Variants in LRMDA observed in about 807,000 individuals in gnomAD.
The protein encoded by LRMDA is leucine rich melanocyte differentiation associated, also known as leucine-rich melanocyte differentiation-associated protein.
LRMDA carries 18 observed loss-of-function variants against 29.8 expected under a neutral mutation model. That is an observed-to-expected ratio of 0.60 (90% confidence interval 0.42 to 0.90). The LOEUF (loss-of-function observed/expected upper bound fraction) is 0.90. Among genes scored for constraint, LRMDA ranks in the 40% least tolerant of loss-of-function variants. The pLI is 0.00. For synonymous variants in LRMDA, 125 were observed against 109.4 expected (o/e 1.14, Z -0.89); for missense variants, 273 against 273.9 (o/e 1.00, Z 0.02).
intron 6 of LRMDA, among the ~76,000 whole-genome samples, chr10:76,337,058 T>TG (rs1239100859): frequency 1.3e-5 from 2 of 152,190 alleles, no homozygotes; most frequent in African/African-American, 2.4e-5. Flanking sequence ...CAGTGAATGT[T>TG]GGCATGTCTG....
chr10:75,542,693 C>G (rs1840032284), intron 2 of LRMDA, among the ~76,000 whole-genome samples: 1 of 152,226 alleles, frequency 6.6e-6, no homozygotes, highest in Non-Finnish European at 1.5e-5. Flanking sequence ...AAATTCCTTT[C>G]CATCACTACA....
intron 2 of LRMDA, among the ~76,000 whole-genome samples, chr10:75,656,010 C>T (rs12217504): frequency 0.16 from 23,781 of 152,094 alleles, 4,293 homozygotes; most frequent in African/African-American, 0.43. Context: ...CTGCTGATCC[C>T]GTCTTGGTTG....
rs535354232 is a variant in LRMDA at position 76,499,300 on chromosome 10, A to G, written c.602-57909A>G. Among the ~76,000 whole-genome samples the G allele has an allele frequency of 5.4e-5, 4 of 74,214 alleles. 1 individual carries two copies. In the South Asian group the frequency reaches 1.1e-3, roughly 20 times the overall value. 48.7% of individuals were successfully genotyped at this position (74,214 alleles called of 152,430 possible). A position where few individuals can be genotyped will look rare whatever the true frequency, so the allele number is the denominator to read the frequency against. ...TCAAGTACTAATCTACTTTCTCTAT[A>G]TATGTATTTGCGCATTCTGGACATT... On this transcript the variant is annotated intron_variant, in intron 6 of 6. Coordinates refer to ENST00000611255, the MANE Select transcript of LRMDA (RefSeq NM_001305581.2).
At chr10:76,513,105 A>C (rs746482685) in intron 6 of LRMDA, among the ~76,000 whole-genome samples, 4 of 152,196 alleles carry the variant, frequency 2.6e-5, no homozygotes, top group Non-Finnish European at 4.4e-5. Context: ...CAATGTAATA[A>C]ATTTATGTTT....
chr10:75,710,680 G>A (rs962365813), intron 2 of LRMDA, among the ~76,000 whole-genome samples: 5 of 152,248 alleles, frequency 3.3e-5, no homozygotes, highest in Admixed American at 6.5e-5. Context: ...CAAAAGGAAC[G>A]AAAAGTGAGC....
Position 75,799,761 on chromosome 10 carries a change from G to C in LRMDA, c.132-236247G>C, listed in dbSNP as rs188331032. ...GGGTTTCAGCATGTTGACCAGGCTA[G>C]TCTTGAACTCCTGGCCTCAAGTGAT... On this transcript the variant is annotated intron_variant, in intron 2 of 6. Transcript: ENST00000611255. Among the ~76,000 whole-genome samples the C allele has an allele frequency of 2.0e-4, 30 of 151,416 alleles. No homozygotes were observed. In the East Asian group the frequency reaches 5.7e-3, roughly 29 times the overall value.
intron 2 of LRMDA, among the ~76,000 whole-genome samples, chr10:75,984,451 C>A (rs1317127741): frequency 2.0e-5 from 3 of 152,250 alleles, no homozygotes; most frequent in Non-Finnish European, 4.4e-5. Flanking sequence ...GAAGGCCTGC[C>A]AGGGCCTGCA....
intron 5 of LRMDA, among the ~76,000 whole-genome samples, chr10:76,281,653 CTTA>C (rs989909678): frequency 1.3e-5 from 2 of 152,130 alleles, no homozygotes; most frequent in African/African-American, 4.8e-5. Context: ...CTCTGCCGGC[CTTA>C]TTTCCATGTA....
At chr10:76,285,006 G>A (rs998799236) in intron 5 of LRMDA, among the ~76,000 whole-genome samples, 4 of 152,136 alleles carry the variant, frequency 2.6e-5, no homozygotes, top group Non-Finnish European at 5.9e-5. Context: ...TTAGCAGTAT[G>A]AGAATAGATA....
chr10:75,790,392 C>T (rs906593840), intron 2 of LRMDA, among the ~76,000 whole-genome samples: 17 of 152,154 alleles, frequency 1.1e-4, no homozygotes, highest in African/African-American at 4.1e-4. Context: ...ACATTTAACC[C>T]ATTGAGTCCT....
intron 2 of LRMDA, among the ~76,000 whole-genome samples, chr10:75,729,606 A>T (rs1181576787): frequency 1.3e-5 from 2 of 152,174 alleles, no homozygotes; most frequent in African/African-American, 4.8e-5. Context: ...AAAGGGTATG[A>T]AAGTGTGGGA....
intron 2 of LRMDA, among the ~76,000 whole-genome samples, chr10:75,632,672 A>G (rs1316617830): frequency 1.3e-5 from 2 of 151,896 alleles, no homozygotes; most frequent in African/African-American, 4.8e-5. Flanking sequence ...TGGAGAGGGA[A>G]CCATGCTGAC....
Position 76,078,534 on chromosome 10 carries a change from C to T in LRMDA, c.516+19751C>T, listed in dbSNP as rs183591947. On this transcript the variant is annotated intron_variant, in intron 5 of 6. Coordinates refer to ENST00000611255, the MANE Select transcript of LRMDA (RefSeq NM_001305581.2). ...CTGCCTCTCTTTGCATTCCACCAAA[C>T]AGCTTAAAAGGAATTTCAGGGCTGG... Among the ~76,000 whole-genome samples the T allele has an allele frequency of 7.6e-3, 1,156 of 152,000 alleles. 12 individuals are homozygous for T. The highest frequency in any genetic ancestry group is 9.7e-3 in the Non-Finnish European group (658 of 68,010).
chr10:75,477,190 G>A (rs1380130481), intron 2 of LRMDA, among the ~76,000 whole-genome samples: 2 of 152,070 alleles, frequency 1.3e-5, no homozygotes, highest in Non-Finnish European at 2.9e-5. Flanking sequence ...ATGTTGCCCA[G>A]GTTGGTCTTG....
At chr10:75,498,037 G>A (rs1845067832) in intron 2 of LRMDA, among the ~76,000 whole-genome samples, 1 of 152,146 alleles carries the variant, frequency 6.6e-6, no homozygotes. Flanking sequence ...AAGTATTGAA[G>A]TTCTGGTTGC....
At chr10:76,523,378 G>A (rs148776014) in intron 6 of LRMDA, among the ~76,000 whole-genome samples, 5 of 152,192 alleles carry the variant, frequency 3.3e-5, no homozygotes, top group African/African-American at 1.2e-4. Context: ...AGGGCACATG[G>A]AGAAGCCAGA....
intron 6 of LRMDA, among the ~76,000 whole-genome samples, chr10:76,355,302 AT>A (rs1435930998): frequency 3.9e-5 from 6 of 152,158 alleles, no homozygotes; most frequent in Admixed American, 3.3e-4. Context: ...GCTCTTATGG[AT>A]GAGGTGGGAC....
chr10:76,001,605 A>T (rs952175078), intron 2 of LRMDA, among the ~76,000 whole-genome samples: 8 of 151,820 alleles, frequency 5.3e-5, no homozygotes, highest in Non-Finnish European at 1.5e-5. Context: ...AATTTAATGA[A>T]ATATTTATTT....
chr10:76,045,432 C>T (rs1322672562), intron 3 of LRMDA, among the ~76,000 whole-genome samples: 2 of 151,392 alleles, frequency 1.3e-5, no homozygotes, highest in Non-Finnish European at 2.9e-5. Context: ...TTGGTAGTTT[C>T]CCCCTCTGGT....
Sources: gnomAD v4.1 joint callset for allele counts (sites outside exome capture counted in the v4.1 genomes callset) on GRCh38, gnomAD v4.1.1 for gene constraint, MANE v1.5 for transcripts, NCBI Gene and HGNC (gene_info 2026-07-23, HGNC 2026-07-21) for gene names.